Variants in SAMD5 observed in about 807,000 individuals in gnomAD.
SAMD5 encodes sterile alpha motif domain containing 5.
Under a neutral mutation model 11.3 loss-of-function variants are expected in SAMD5, and 13 were observed. The observed-to-expected ratio is 1.15, with a 90% confidence interval of 0.75 to 1.83. SAMD5 has a LOEUF of 1.83. SAMD5 is among the 40% of genes most tolerant of loss of function. The pLI, the probability that SAMD5 is intolerant of heterozygous loss-of-function variation, is 0.00. For missense variants in SAMD5, 255 were observed against 239.1 expected (o/e 1.07, Z -0.44); for synonymous variants, 129 against 111.3 (o/e 1.16, Z -1.00).
intron 1 of SAMD5, among the ~76,000 whole-genome samples, chr6:147,656,059 A>G (rs1243900985): frequency 1.3e-5 from 2 of 152,186 alleles, no homozygotes; most frequent in African/African-American, 4.8e-5. Flanking sequence ...GTATAAAATA[A>G]AGGTAGTATT....
At chr6:147,832,191 C>T in the SAMD5 span, among the ~76,000 whole-genome samples, 15 of 152,114 alleles carry the variant, frequency 9.9e-5, no homozygotes, top group South Asian at 8.3e-4. Flanking sequence ...ATAGAGAGTA[C>T]GTTCAATTAT....
chr6:147,516,756 C>T (rs637118), intron 1 of SAMD5, among the ~76,000 whole-genome samples: 71,703 of 152,040 alleles, frequency 0.47, 19,682 homozygotes, highest in African/African-American at 0.77. Context: ...TTGGATCTGC[C>T]GGATCATATG....
the SAMD5 span, among the ~76,000 whole-genome samples, chr6:147,836,813 C>T: frequency 6.6e-6 from 1 of 152,102 alleles, no homozygotes; most frequent in Admixed American, 6.6e-5. Context: ...GTCTCTAGCC[C>T]AATTTCAGGT....
At chr6:147,578,036 T>C (rs1263632888) in intron 1 of SAMD5, among the ~76,000 whole-genome samples, 2 of 152,168 alleles carry the variant, frequency 1.3e-5, no homozygotes, top group Non-Finnish European at 2.9e-5. Flanking sequence ...CAAAGCTTCT[T>C]ACTCTGCCAT....
At chr6:147,946,481 A>T in the SAMD5 span, among the ~76,000 whole-genome samples, 1 of 152,130 alleles carries the variant, frequency 6.6e-6, no homozygotes, top group Non-Finnish European at 1.5e-5. Context: ...CCCTTTCCTC[A>T]TTTTGTTTCC....
chr6:147,949,545 T>C, the SAMD5 span, among the ~76,000 whole-genome samples: 1 of 152,190 alleles, frequency 6.6e-6, no homozygotes, highest in Non-Finnish European at 1.5e-5. Context: ...TCTATCACGC[T>C]ACTTCTAATG....
chr6:147,666,166 T>C (rs1267258893), intron 1 of SAMD5, among the ~76,000 whole-genome samples: 6 of 152,220 alleles, frequency 3.9e-5, no homozygotes, highest in African/African-American at 1.4e-4. Context: ...CGCCAACTCC[T>C]GACCTCGTGA....
the SAMD5 span, among the ~76,000 whole-genome samples, chr6:147,764,240 A>G: frequency 0.019 from 2,876 of 152,302 alleles, 83 homozygotes; most frequent in African/African-American, 0.066. Flanking sequence ...CTGAGCTCTC[A>G]GATCAGGCTT....
intron 1 of SAMD5, among the ~76,000 whole-genome samples, chr6:147,680,491 G>A (rs1453899969): frequency 6.6e-6 from 1 of 152,058 alleles, no homozygotes; most frequent in African/African-American, 2.4e-5. Flanking sequence ...CTTCCTTTCA[G>A]TCTGGATGCC....
chr6:147,825,005 C>T, the SAMD5 span, among the ~76,000 whole-genome samples: 35,861 of 151,902 alleles, frequency 0.24, 5,047 homozygotes, highest in African/African-American at 0.39. Context: ...TTTTAAAAAC[C>T]TACTCAGGGC....
the SAMD5 span, among the ~76,000 whole-genome samples, chr6:147,822,024 T>C: frequency 1.3e-5 from 2 of 152,176 alleles, no homozygotes; most frequent in African/African-American, 4.8e-5. Flanking sequence ...AAATGCATTA[T>C]CTAATATTAT....
At chr6:147,612,023 T>C (rs892238539) in intron 1 of SAMD5, among the ~76,000 whole-genome samples, 4 of 152,224 alleles carry the variant, frequency 2.6e-5, no homozygotes, top group Non-Finnish European at 5.9e-5. Context: ...TTCCTATATA[T>C]GCCTTTAGTC....
Position 147,568,954 on chromosome 6 carries a change from C to T in SAMD5, c.*4498C>T, listed in dbSNP as rs138865939. The T allele has an allele frequency of 1.0e-3, 949 of 943,342 alleles. 8 individuals carry two copies. Among genetic ancestry groups the T allele is most frequent in the Middle Eastern group, 1.6e-3 (3 of 1,844 alleles). The allele number at this position is 943,342 out of a possible 1,614,324, so 58.4% of individuals were successfully genotyped here. The stretch of plus-strand genomic sequence containing the variant: ...TAGTTCAGAAAAAAATGGCTGGGCA[C>T]GGTGGCTCACGCCTGTAATCCCAGC... On this transcript the variant is annotated 3_prime_UTR_variant, in exon 2 of 2. Transcript: ENST00000367474.
chr6:147,606,975 A>AG (rs1789711961), intron 1 of SAMD5, among the ~76,000 whole-genome samples: 1 of 151,486 alleles, frequency 6.6e-6, no homozygotes, highest in Admixed American at 6.6e-5. Flanking sequence ...AAAAAAAAAA[A>AG]AAACAGAAAG....
In SAMD5 at chr6:147,623,013, A is replaced by T. The variant is rs564947561; in HGVS notation, c.162+113626A>T. Reference sequence around the variant, plus strand: ...AGCCCTCATGATTAAATTACCTCCCACCAGGTCCCTCCCACAACACATGGG... The same window carrying T: ...AGCCCTCATGATTAAATTACCTCCCTCCAGGTCCCTCCCACAACACATGGG... On this transcript the variant is annotated intron_variant, in intron 1 of 1. Transcript: ENST00000566741. Among the ~76,000 whole-genome samples, 154 of 152,266 alleles carry T rather than the reference A, an allele frequency of 1.0e-3. 1 individual carries two copies. Among genetic ancestry groups the T allele is most frequent in the African/African-American group, 3.3e-3 (138 of 41,562 alleles).
At chr6:147,947,521 T>G in the SAMD5 span, 1 of 152,330 alleles carries the variant, frequency 6.6e-6, no homozygotes, top group South Asian at 2.1e-4. Context: ...ATTTGTCTGG[T>G]AAGTGTTCGT....
chr6:147,801,361 A>G, the SAMD5 span, among the ~76,000 whole-genome samples: 1 of 152,072 alleles, frequency 6.6e-6, no homozygotes, highest in Non-Finnish European at 1.5e-5. Context: ...CACAAAAACA[A>G]ATCAATACTT....
At chr6:147,764,933 G>C in the SAMD5 span, among the ~76,000 whole-genome samples, 1 of 152,042 alleles carries the variant, frequency 6.6e-6, no homozygotes, top group South Asian at 2.1e-4. Flanking sequence ...CCATCTCACT[G>C]CTGGCACTAA....
At chr6:147,677,591 A>G (rs1376306009) in intron 1 of SAMD5, among the ~76,000 whole-genome samples, 3 of 152,174 alleles carry the variant, frequency 2.0e-5, no homozygotes, top group Non-Finnish European at 4.4e-5. Context: ...AAAAAACCCC[A>G]AGAGGATGAA....
Sources: allele counts gnomAD v4.1 joint callset (sites outside exome capture counted in the v4.1 genomes callset), GRCh38; gene constraint gnomAD v4.1.1; transcripts MANE v1.5; gene names NCBI Gene and HGNC (gene_info 2026-07-23, HGNC 2026-07-21).